Variants in BLNK observed in about 807,000 individuals in gnomAD.
BLNK encodes the protein B-cell linker protein.
In BLNK, 29 loss-of-function variants were observed where a neutral mutation model predicts 73.5. The observed-to-expected ratio is 0.39, with a 90% CI of 0.29 to 0.54. BLNK has a LOEUF of 0.54. BLNK is among the 20% of genes least tolerant of loss of function. The probability of loss-of-function intolerance (pLI) is 0.61; values close to 1 mark genes in which losing one functional copy is unlikely to be tolerated. For missense variants in BLNK, 460 were observed against 562.8 expected (o/e 0.82, Z 1.85); for synonymous variants, 176 against 200.8 (o/e 0.88, Z 1.04).
At chr10:96,256,880 C>CAAAA (rs1295010912) in intron 1 of BLNK, among the ~76,000 whole-genome samples, 17 of 103,340 alleles carry the variant, frequency 1.6e-4, no homozygotes, top group Middle Eastern at 4.6e-3. Flanking sequence ...GACTCCATCT[C>CAAAA]AAAAAAAAAA....
intron 8 of BLNK, among the ~76,000 whole-genome samples, chr10:96,212,037 C>G (rs191572969): frequency 3.3e-4 from 51 of 152,328 alleles, no homozygotes; most frequent in Admixed American, 2.0e-3. Flanking sequence ...AGACCTTCCT[C>G]CTGGCTTTTC....
At chr10:96,224,630 C>A (rs76270654) in intron 5 of BLNK, among the ~76,000 whole-genome samples, 2,093 of 152,328 alleles carry the variant, frequency 0.014, 19 homozygotes, top group South Asian at 0.027. Flanking sequence ...CACTCACTAG[C>A]TGTGCTCTTT....
At chr10:96,213,793 G>A (rs1564823159) in intron 8 of BLNK, among the ~76,000 whole-genome samples, 1 of 152,140 alleles carries the variant, frequency 6.6e-6, no homozygotes, top group Non-Finnish European at 1.5e-5. Flanking sequence ...GAGTTATCGG[G>A]AGTTAGGAGT....
chr10:96,258,590 C>T (rs1554911823), intron 1 of BLNK, among the ~76,000 whole-genome samples: 1 of 152,164 alleles, frequency 6.6e-6, no homozygotes, highest in Non-Finnish European at 1.5e-5. Flanking sequence ...CTTGAGCCCC[C>T]TGCTAGAGAA....
chr10:96,230,773 G>A (rs1380249811), intron 4 of BLNK, 21 bp downstream of exon 4: 1 of 1,604,954 alleles, frequency 6.2e-7, no homozygotes, highest in Non-Finnish European at 8.5e-7. Flanking sequence ...TGCCCTCCTG[G>A]TCCCAGGAGC....
At chr10:96,237,073 G>T (rs782442890) in intron 3 of BLNK, among the ~76,000 whole-genome samples, 2 of 152,096 alleles carry the variant, frequency 1.3e-5, no homozygotes, top group Admixed American at 6.5e-5. Context: ...ATACCTTTGA[G>T]CCCAAGTGTC....
At position 96,227,544 on chromosome 10, in the gene BLNK, T is replaced by C. The variant is rs782767106; in HGVS notation, c.227A>G (p.Asp76Gly). ...GTACATCTCTGAGTCCGAGTGCTCA[T>C]CTGGATTTTCATAGTCGCTGTCCTG... ...DDFDSDYENP[D>G]EHSDSEMYVM... Residue 76 changes from aspartate to glycine, a missense_variant, in exon 5 of 17, where the codon GAT (aspartate) becomes GGT (glycine). By Grantham distance (94) the Asp-to-Gly change is moderately conservative. Transcript: ENST00000224337. 2 of 1,614,032 alleles carry C rather than the reference T, an allele frequency of 1.2e-6. No individual in the cohort carries two copies. Among genetic ancestry groups the C allele is most frequent in the Admixed American group, 1.7e-5 (1 of 60,014 alleles).
intron 5 of BLNK, among the ~76,000 whole-genome samples, chr10:96,226,781 A>T (rs1842282231): frequency 6.6e-6 from 1 of 152,014 alleles, no homozygotes; most frequent in South Asian, 2.1e-4. Context: ...GGTTGCAGTG[A>T]AGCGAGTTCA....
Position 96,204,541 on chromosome 10 carries a change from G to A in BLNK, c.893C>T (p.Pro298Leu). 2.5e-6 allele frequency: 4 copies of A among 1,613,998 alleles called. No individual in the cohort carries two copies. Among genetic ancestry groups the A allele is most frequent in the Middle Eastern group, 3.3e-4 (2 of 6,058 alleles). ...QEAVQSPVFP[P>L]AQKQIHQKPI... ...AGGAAAGGATTCTTACTTCTGGGCA[G>A]GAGGAAACACTGGTGACTGCACAGC... The change falls in exon 12 of 17, where the codon CCT (proline) becomes CTT (leucine). Residue 298 changes from proline to leucine, a missense_variant. Transcript: ENST00000224337.
At chr10:96,219,617 T>G (rs1330882947) in intron 6 of BLNK, among the ~76,000 whole-genome samples, 2 of 152,244 alleles carry the variant, frequency 1.3e-5, no homozygotes, top group East Asian at 3.8e-4. Flanking sequence ...TCTGTATTCT[T>G]AATTTTGTAC....
chr10:96,237,743 T>G (rs1842747735), intron 3 of BLNK, among the ~76,000 whole-genome samples: 2 of 152,150 alleles, frequency 1.3e-5, no homozygotes, highest in South Asian at 2.1e-4. Flanking sequence ...AAGAAAAAAG[T>G]TCCCCCAAAA....
At chr10:96,197,672 T>C (rs1394196639) in intron 15 of BLNK, among the ~76,000 whole-genome samples, 4 of 152,276 alleles carry the variant, frequency 2.6e-5, no homozygotes, top group African/African-American at 9.6e-5. Flanking sequence ...ATCAAAACTT[T>C]CATTTTATAT....
At chr10:96,197,160 T>C in intron 15 of BLNK, 97 bp from the exon 16 acceptor site, 1 of 887,178 alleles carries the variant, frequency 1.1e-6, no homozygotes, top group East Asian at 2.7e-5. Flanking sequence ...TATATTACAT[T>C]CCAAAGGTAA....
chr10:96,207,585 G>A (rs1250597424), intron 10 of BLNK, among the ~76,000 whole-genome samples: 2 of 152,250 alleles, frequency 1.3e-5, no homozygotes, highest in Non-Finnish European at 2.9e-5. Context: ...GGACACAGAC[G>A]CTTCCTGTGG....
chr10:96,226,346 C>G lies in BLNK; in HGVS notation c.361+1064G>C, dbSNP rs375359050. 2.3e-3 allele frequency among the ~76,000 whole-genome samples: 357 copies of G among 152,308 alleles called. 4 individuals are homozygous for G. The highest frequency in any genetic ancestry group is 8.3e-3 in the African/African-American group (345 of 41,560). On this transcript the variant is annotated intron_variant, in intron 5 of 16. Coordinates refer to ENST00000224337, the MANE Select transcript of BLNK (RefSeq NM_013314.4). ...GTGGCAACCCAGTAAGCCCAGCTGG[C>G]CTTCACTTTACTTTCATTCAGTGAA...
At position 96,227,495 on chromosome 10, in the gene BLNK, A is replaced by G. The variant is rs782580711; in HGVS notation, c.276T>C (p.Ala92=). 1.1e-5 allele frequency: 17 copies of G among 1,614,126 alleles called. No homozygotes were observed. In the African/African-American group the frequency reaches 1.9e-4, roughly 18 times the overall value. The stretch of plus-strand genomic sequence containing the variant: ...CTGGAGGCGGCTCGTAGCTGTCATC[A>G]GCGTTCTCCTCGGCGGGCATCACGT... ...EMYVMPAEEN[A]DDSYEPPPVE... The change falls in exon 5 of 17, where the codon GCT becomes GCC. Residue 92 remains alanine, a synonymous_variant. Transcript: ENST00000224337.
At position 96,256,430 on chromosome 10, in the gene BLNK, A is replaced by T. The variant is rs542826941; in HGVS notation, c.48-9381T>A. 5.3e-5 allele frequency among the ~76,000 whole-genome samples: 8 copies of T among 152,352 alleles called. 1 individual carries two copies. In the South Asian group the frequency reaches 1.7e-3, roughly 32 times the overall value. ...AATAAAAAAATTAATGTTCATCATT[A>T]GGTCTGCTGATTCTCTAGTTGACTT... On this transcript the variant is annotated intron_variant, in intron 1 of 16. Transcript: ENST00000224337.
intron 2 of BLNK, among the ~76,000 whole-genome samples, chr10:96,244,670 C>T (rs560867774): frequency 1.3e-4 from 20 of 152,278 alleles, no homozygotes; most frequent in Non-Finnish European, 1.5e-4. Context: ...GGGCCCCTGA[C>T]GTCACCCGGG....
rs587599187 is a variant in BLNK, at chr10:96,201,115, A to G, written c.935-57T>C. 26 of 1,456,730 alleles carry G rather than the reference A, an allele frequency of 1.8e-5. No individual in the cohort carries two copies. In the African/African-American group the frequency reaches 3.5e-4, roughly 20 times the overall value. 90.2% of individuals were successfully genotyped at this position (1,456,730 alleles called of 1,614,324 possible). On this transcript the variant is annotated intron_variant, in intron 13 of 16. Transcript: ENST00000224337. ...TCTTCATATTTCTTGAACTCTTTCT[A>G]TGCCTATCCCCTAACACTGTACTAG...
Sources: gnomAD v4.1 joint callset for allele counts (sites outside exome capture counted in the v4.1 genomes callset) on GRCh38, gnomAD v4.1.1 for gene constraint, MANE v1.5 for transcripts, NCBI Gene and HGNC (gene_info 2026-07-23, HGNC 2026-07-21) for gene names.